The following ATP13A5 variants were observed in gnomAD, a reference collection of about 807,000 sequenced individuals.
ATP13A5 encodes the protein probable cation-transporting ATPase 13A5.
A neutral mutation model predicts 150.2 loss-of-function variants in ATP13A5; 149 were observed. The observed-to-expected ratio is 0.99, with a 90% CI of 0.87 to 1.14. The LOEUF (loss-of-function observed/expected upper bound fraction) is 1.14, where lower values mean the gene tolerates loss of function less well. Ranked by LOEUF, ATP13A5 falls within the 50% of genes most tolerant of loss-of-function variation. The pLI is 0.00. For synonymous variants in ATP13A5, 497 were observed against 522.2 expected, an observed-to-expected ratio of 0.95 and a Z score of 0.66; for missense variants, 1,383 against 1,449.3, an observed-to-expected ratio of 0.95 and a Z score of 0.74.
At chr3:193,326,199 A>C (rs559312465) in intron 13 of ATP13A5, among the ~76,000 whole-genome samples, 20 of 152,344 alleles carry the variant, frequency 1.3e-4, no homozygotes, top group African/African-American at 4.6e-4. Context: ...CTTAGAGCTT[A>C]AGAGCAGAGG....
intron 24 of ATP13A5, 136 bp from the exon 25 acceptor site, chr3:193,299,339 T>A: frequency 1.7e-6 from 1 of 601,422 alleles, no homozygotes; most frequent in South Asian, 2.4e-5. Context: ...ATGACTAACC[T>A]AAAATTATTA....
chr3:193,347,719 C>T (rs1175099960), intron 7 of ATP13A5, among the ~76,000 whole-genome samples: 1 of 152,092 alleles, frequency 6.6e-6, no homozygotes, highest in African/African-American at 2.4e-5. Context: ...GCTTCCAGGC[C>T]TCTGCTCAAG....
rs998823825 is a variant in ATP13A5 at position 193,275,223 on chromosome 3, G to A, written c.3476C>T (p.Thr1159Ile). The A allele has an allele frequency of 1.9e-6, 3 of 1,614,030 alleles. No homozygotes were observed. In the African/African-American group the frequency reaches 4.0e-5, roughly 22 times the overall value. Residue 1159 changes from threonine to isoleucine, a missense_variant, in exon 30 of 30, where the codon ACT (threonine) becomes ATT (isoleucine). Around this residue, in one of 3 missense-constraint regions of ATP13A5, gnomAD observed 568 missense variants for 621.5 expected, o/e 0.91. Coordinates refer to ENST00000342358, the MANE Select transcript of ATP13A5 (RefSeq NM_198505.4). ...FGFYSKSQYR[T>I]WQKKLAEDST... ...GTCTTCTGCTAGCTTCTTTTGCCAA[G>A]TCCTATATTGACTTTTAGAGTAGAA... is the stretch of plus-strand genomic sequence containing the variant.
At chr3:193,330,217 G>A (rs945469721) in intron 12 of ATP13A5, among the ~76,000 whole-genome samples, 24 of 152,104 alleles carry the variant, frequency 1.6e-4, no homozygotes, top group Admixed American at 1.2e-3. Flanking sequence ...TGTGCCCCGC[G>A]CTTTCCTCAG....
intron 25 of ATP13A5, among the ~76,000 whole-genome samples, chr3:193,292,576 C>G (rs1402718873): frequency 6.6e-6 from 1 of 152,148 alleles, no homozygotes; most frequent in Non-Finnish European, 1.5e-5. Context: ...CTTTTTGTGA[C>G]TCACAATGAG....
In ATP13A5 at chr3:193,334,941, C is replaced by T. The variant is rs370567338; in HGVS notation, c.1102G>A (p.Val368Ile). The change falls in exon 10 of 30, where the codon GTT becomes ATT. Residue 368 changes from valine to isoleucine, a missense_variant. Physicochemically the swap from Val to Ile is conservative, Grantham distance 29 (BLOSUM62 3). Coordinates refer to ENST00000342358, the MANE Select transcript of ATP13A5 (RefSeq NM_198505.4). Reference sequence around the variant, plus strand: ...GGAATCCACTAACCTGTTTGCAAAACGACTGCTCGTACAGGCCCCTGCCCA... The same window carrying T: ...GGAATCCACTAACCTGTTTGCAAAATGACTGCTCGTACAGGCCCCTGCCCA... ...PSGQGPVRAV[V>I]LQTGYNTAKG... 5.6e-5 allele frequency: 90 copies of T among 1,612,582 alleles called. No homozygotes were observed. Among genetic ancestry groups the T allele is most frequent in the Non-Finnish European group, 6.9e-5 (81 of 1,179,154 alleles).
chr3:193,314,947 C>T, intron 18 of ATP13A5, 25 bp downstream of exon 18: 1 of 1,608,314 alleles, frequency 6.2e-7, no homozygotes, highest in Non-Finnish European at 8.5e-7. Flanking sequence ...ATCAACTTGC[C>T]AGGCCCCTAG....
At position 193,284,921 on chromosome 3, in the gene ATP13A5, A is replaced by G; in HGVS notation, c.3219T>C (p.Tyr1073=). 1 of 1,612,692 alleles carries G rather than the reference A, an allele frequency of 6.2e-7. No homozygotes were observed. Reference sequence around the variant, plus strand: ...TAAACTTTATATACTTACAGTTTGTATAGATGGGTTTTCGAAATGGCTTTC... The same window carrying G: ...TAAACTTTATATACTTACAGTTTGTGTAGATGGGTTTTCGAAATGGCTTTC... The part of the protein sequence containing the change: ...SKGKPFRKPI[Y]TNYIFSFLLL... Residue 1073 remains tyrosine (Y), a synonymous_variant, in exon 27 of 30, where the codon TAT becomes TAC. Transcript: ENST00000342358.
In ATP13A5 at chr3:193,330,558, G is replaced by A. The variant is rs932136696; in HGVS notation, c.1461+565C>T. ...TTCCCCATAGGAGACTCACGTCATG[G>A]GGGGGTGTCAGGACCTGCTTGGTAA... On this transcript the variant is annotated intron_variant, in intron 12 of 29. Coordinates refer to ENST00000342358, the MANE Select transcript of ATP13A5 (RefSeq NM_198505.4). 3.3e-5 allele frequency among the ~76,000 whole-genome samples: 5 copies of A among 152,130 alleles called. No individual in the cohort carries two copies. In the East Asian group the frequency reaches 9.6e-4, roughly 29 times the overall value.
chr3:193,372,584 AC>A (rs11300968), intron 1 of ATP13A5, among the ~76,000 whole-genome samples: 143,085 of 152,186 alleles, frequency 0.94, 67,325 homozygotes, highest in East Asian at 0.97. Flanking sequence ...TTATGGCAGA[AC>A]TTTTATTTAT....
chr3:193,361,427 C>T (rs1713002478), intron 5 of ATP13A5, among the ~76,000 whole-genome samples: 1 of 151,990 alleles, frequency 6.6e-6, no homozygotes, highest in Non-Finnish European at 1.5e-5. Context: ...TTCTAAGTAC[C>T]CCTTGCTCCT....
chr3:193,299,836 C>T (rs1452202099), intron 24 of ATP13A5, among the ~76,000 whole-genome samples: 1 of 152,080 alleles, frequency 6.6e-6, no homozygotes, highest in African/African-American at 2.4e-5. Context: ...TCTCTTGCAG[C>T]CAGGTCTGTT....
chr3:193,363,500 C>T, intron 2 of ATP13A5, 118 bp from the exon 3 acceptor site: 1 of 909,134 alleles, frequency 1.1e-6, no homozygotes, highest in South Asian at 1.9e-5. Context: ...TCAGCTTTAT[C>T]TCAGAACTTA....
intron 27 of ATP13A5, among the ~76,000 whole-genome samples, chr3:193,280,824 G>A (rs113391322): frequency 2.7e-4 from 41 of 152,246 alleles, no homozygotes; most frequent in African/African-American, 9.1e-4. Flanking sequence ...TTATAAATAA[G>A]TGAACAAACT....
At chr3:193,332,395 C>G (rs1048351515) in intron 11 of ATP13A5, among the ~76,000 whole-genome samples, 1 of 152,128 alleles carries the variant, frequency 6.6e-6, no homozygotes, top group African/African-American at 2.4e-5. Context: ...TACAGCAGGT[C>G]TCCAGAGGAG....
rs559620854 is a variant in ATP13A5 at position 193,314,041 on chromosome 3, C to T, written c.2311G>A (p.Gly771Arg). The stretch of plus-strand genomic sequence containing the variant: ...TTCTAACATTTGCTCACTTTCTTCC[C>T]AGGTCCAGTCTCTTGGTTCTCCACC... ...QLVENQETGP[G>R]KKEIYMHTGN... The change falls in exon 19 of 30, where the codon GGG (glycine) becomes AGG (arginine). Residue 771 changes from glycine to arginine, a missense_variant. Gly to Arg is a moderately radical substitution (Grantham distance 125, BLOSUM62 -2). Transcript: ENST00000342358. The T allele has an allele frequency of 1.9e-6, 3 of 1,612,996 alleles. No homozygotes were observed. The South Asian group carries it at 3.3e-5, about 18-fold the overall frequency.
chr3:193,336,936 G>T (rs1349451335), intron 9 of ATP13A5, among the ~76,000 whole-genome samples: 1 of 152,266 alleles, frequency 6.6e-6, no homozygotes, highest in East Asian at 1.9e-4. Flanking sequence ...ATTCTAACTG[G>T]TGTGAGATGG....
At chr3:193,295,596 T>C (rs947610910) in intron 25 of ATP13A5, among the ~76,000 whole-genome samples, 1 of 152,064 alleles carries the variant, frequency 6.6e-6, no homozygotes, top group African/African-American at 2.4e-5. Context: ...TAATATACAG[T>C]GAGAGATGAA....
At chr3:193,315,771 T>C (rs753055552) in intron 17 of ATP13A5, among the ~76,000 whole-genome samples, 2 of 152,156 alleles carry the variant, frequency 1.3e-5, no homozygotes, top group Non-Finnish European at 2.9e-5. Flanking sequence ...TACAGGGAGA[T>C]AGATCTGAAC....
Sources: allele counts gnomAD v4.1 joint callset (sites outside exome capture counted in the v4.1 genomes callset), GRCh38; gene constraint gnomAD v4.1.1; regional missense constraint gnomAD v4.1.1; transcripts MANE v1.5; gene names NCBI Gene and HGNC (gene_info 2026-07-23, HGNC 2026-07-21).